The following RNGTT variants were observed in gnomAD, a reference collection of about 807,000 sequenced individuals.
RNGTT encodes the protein mRNA-capping enzyme.
A neutral mutation model predicts 79.3 loss-of-function variants in RNGTT; 33 were observed. The observed-to-expected ratio is 0.42, with a 90% CI of 0.32 to 0.56. The LOEUF (loss-of-function observed/expected upper bound fraction) is 0.56. Among genes scored for constraint, RNGTT ranks in the 20% least tolerant of loss-of-function variants. RNGTT has a pLI of 0.17. For synonymous variants in RNGTT, 222 were observed against 235.9 expected (o/e 0.94, Z 0.54); for missense variants, 497 against 739.1 (o/e 0.67, Z 3.80).
At position 88,963,396 on chromosome 6, in the gene RNGTT, T is replaced by C. The variant is rs1200899175; in HGVS notation, c.14A>G (p.Lys5Arg). The C allele has an allele frequency of 6.2e-7, 1 of 1,608,534 alleles. No individual in the cohort carries two copies. The highest frequency in any genetic ancestry group is 1.3e-5 in the African/African-American group (1 of 74,678). MAHN[K>R]IPPRWLNCPR... The stretch of plus-strand genomic sequence containing the variant: ...ACAGTTCAGCCACCGCGGCGGGATC[T>C]TGTTGTGAGCCATGTCTTGGGGCTG... Residue 5 changes from lysine to arginine, a missense_variant, in exon 1 of 16, where the codon AAG (lysine) becomes AGG (arginine). Lys to Arg is a conservative substitution (Grantham distance 26). Around this residue, in one of 3 missense-constraint regions of RNGTT, gnomAD observed 440 missense variants for 671.5 expected, o/e 0.66. Coordinates refer to ENST00000369485, the MANE Select transcript of RNGTT (RefSeq NM_003800.5).
At chr6:88,672,267 A>G (rs1438757460) in intron 14 of RNGTT, among the ~76,000 whole-genome samples, 1 of 148,972 alleles carries the variant, frequency 6.7e-6, no homozygotes, top group Non-Finnish European at 1.5e-5. Context: ...ACACACACAT[A>G]TATATAAATG....
chr6:88,830,159 A>C (rs1273704887), intron 11 of RNGTT, among the ~76,000 whole-genome samples: 1 of 152,204 alleles, frequency 6.6e-6, no homozygotes, highest in African/African-American at 2.4e-5. Flanking sequence ...ACTCCTCAGC[A>C]AATGCAAAAG....
At chr6:88,932,842 G>C (rs999784165) in intron 2 of RNGTT, among the ~76,000 whole-genome samples, 1 of 152,048 alleles carries the variant, frequency 6.6e-6, no homozygotes, top group African/African-American at 2.4e-5. Context: ...CACCTAAACT[G>C]AGGCTAAAAA....
intron 13 of RNGTT, among the ~76,000 whole-genome samples, chr6:88,692,054 A>G (rs1329903440): frequency 2.0e-5 from 3 of 152,218 alleles, no homozygotes; most frequent in Non-Finnish European, 4.4e-5. Context: ...TAACTACATT[A>G]AAATGTACAG....
intron 13 of RNGTT, among the ~76,000 whole-genome samples, chr6:88,730,433 TC>T (rs1235079035): frequency 6.6e-6 from 1 of 152,198 alleles, no homozygotes; most frequent in African/African-American, 2.4e-5. Context: ...AAGAACCTCT[TC>T]CCATCCCTTG....
intron 14 of RNGTT, among the ~76,000 whole-genome samples, chr6:88,633,575 A>T (rs1168151368): frequency 6.6e-6 from 1 of 152,198 alleles, no homozygotes. Context: ...AATAAGCTCA[A>T]TCGGGATGGA....
intron 1 of RNGTT, among the ~76,000 whole-genome samples, chr6:88,949,453 G>A (rs62429045): frequency 1.6e-4 from 25 of 151,826 alleles, no homozygotes; most frequent in South Asian, 4.2e-4. Flanking sequence ...TAGTAGAGAC[G>A]GGGTTTCACC....
chr6:88,806,309 A>G (rs1582483084), intron 11 of RNGTT, among the ~76,000 whole-genome samples: 1 of 151,912 alleles, frequency 6.6e-6, no homozygotes, highest in Non-Finnish European at 1.5e-5. Context: ...GTCGAGAAAA[A>G]GGAACACGCT....
intron 10 of RNGTT, among the ~76,000 whole-genome samples, chr6:88,844,816 G>A (rs1781434148): frequency 1.3e-5 from 2 of 152,064 alleles, no homozygotes; most frequent in Non-Finnish European, 1.5e-5. Context: ...GGCCGGGTGT[G>A]GTGGCTCACA....
intron 10 of RNGTT, among the ~76,000 whole-genome samples, chr6:88,845,805 C>T (rs1781464596): frequency 6.6e-6 from 1 of 152,120 alleles, no homozygotes; most frequent in African/African-American, 2.4e-5. Context: ...TAAAGGCATA[C>T]AACCATCTGT....
intron 13 of RNGTT, among the ~76,000 whole-genome samples, chr6:88,690,029 T>C (rs1258683009): frequency 6.6e-6 from 1 of 152,142 alleles, no homozygotes; most frequent in Non-Finnish European, 1.5e-5. Flanking sequence ...CATAAGTTCT[T>C]GCCAAAAAAT....
chr6:88,796,422 TAGGCTGA>T (rs1316208772), intron 12 of RNGTT, among the ~76,000 whole-genome samples: 18 of 152,152 alleles, frequency 1.2e-4, no homozygotes, highest in African/African-American at 4.3e-4. Flanking sequence ...GCTACTGAAA[TAGGCTGA>T]GTATAAAACA....
At chr6:88,676,831 G>A (rs1381270018) in intron 14 of RNGTT, among the ~76,000 whole-genome samples, 2 of 152,118 alleles carry the variant, frequency 1.3e-5, no homozygotes, top group South Asian at 2.1e-4. Flanking sequence ...AAAAGTACAC[G>A]AAGAATCTCA....
At chr6:88,826,775 C>T (rs1234030042) in intron 11 of RNGTT, among the ~76,000 whole-genome samples, 3 of 139,776 alleles carry the variant, frequency 2.1e-5, no homozygotes, top group African/African-American at 8.2e-5. Context: ...AAGAGCAAAA[C>T]CCTGTCTCAA....
intron 11 of RNGTT, among the ~76,000 whole-genome samples, chr6:88,824,885 G>A (rs1385372969): frequency 6.6e-6 from 1 of 151,730 alleles, no homozygotes; most frequent in Non-Finnish European, 1.5e-5. Flanking sequence ...TGGGATTATA[G>A]GCGTCCACCA....
chr6:88,852,897 A>T lies in RNGTT; in HGVS notation c.1032+732T>A, dbSNP rs558968817. Reference sequence around the variant, plus strand: ...CCCAATTTATGGTCTCTATATACACAATGGTAAACCATTCAGACATTTATG... The same window carrying T: ...CCCAATTTATGGTCTCTATATACACTATGGTAAACCATTCAGACATTTATG... On this transcript the variant is annotated intron_variant, in intron 9 of 15. Coordinates refer to ENST00000369485, the MANE Select transcript of RNGTT (RefSeq NM_003800.5). Among the ~76,000 whole-genome samples the T allele has an allele frequency of 4.6e-5, 7 of 152,330 alleles. No individual in the cohort carries two copies. The South Asian group carries it at 1.4e-3, about 32-fold the overall frequency.
intron 13 of RNGTT, among the ~76,000 whole-genome samples, chr6:88,716,263 T>C (rs1035610699): frequency 6.6e-6 from 1 of 151,722 alleles, no homozygotes; most frequent in Non-Finnish European, 1.5e-5. Flanking sequence ...AAAACCACAA[T>C]GAGATACCAT....
At chr6:88,619,561 AATT>A (rs1460897472) in intron 14 of RNGTT, among the ~76,000 whole-genome samples, 1 of 152,228 alleles carries the variant, frequency 6.6e-6, no homozygotes, top group East Asian at 1.9e-4. Context: ...CAGAATTAAA[AATT>A]ATTATTAAGA....
intron 1 of RNGTT, among the ~76,000 whole-genome samples, chr6:88,962,171 G>T (rs554171711): frequency 5.9e-5 from 9 of 152,224 alleles, no homozygotes; most frequent in African/African-American, 2.2e-4. Flanking sequence ...GCGAAGGAGG[G>T]ATTTAAAAAG....
Sources: allele counts gnomAD v4.1 joint callset (sites outside exome capture counted in the v4.1 genomes callset), GRCh38; gene constraint gnomAD v4.1.1; regional missense constraint gnomAD v4.1.1; transcripts MANE v1.5; gene names NCBI Gene and HGNC (gene_info 2026-07-23, HGNC 2026-07-21).